HOXD9: variants seen among roughly 807,000 people sequenced by gnomAD.
HOXD9 encodes homeobox D9.
HOXD9 carries 21 observed loss-of-function variants against 24.6 expected under a neutral mutation model. The ratio of observed to expected loss-of-function variants is 0.85; its 90% CI spans 0.61 to 1.23. The LOEUF is 1.23. HOXD9 is among the 50% of genes most tolerant of loss of function. The pLI, the probability that HOXD9 is intolerant of heterozygous loss-of-function variation, is 0.00. For missense variants in HOXD9, 503 were observed against 503.6 expected (o/e 1.00, Z 0.01); for synonymous variants, 240 against 226.4 (o/e 1.06, Z -0.54).
chr2:176,124,324 A>G lies in HOXD9; in HGVS notation c.*149A>G. On this transcript the variant is annotated 3_prime_UTR_variant, in exon 2 of 2. Coordinates refer to ENST00000249499, the MANE Select transcript of HOXD9 (RefSeq NM_014213.4). ...TTTTTTTTCTTTTTAGATAGAAGTG[A>G]CTGTGTGGTTGGTCTCTGAGGTATT... 1 of 1,236,130 alleles carries G rather than the reference A, an allele frequency of 8.1e-7. No homozygotes were observed. The highest frequency in any genetic ancestry group is 1.6e-5 in the African/African-American group (1 of 64,338). 76.6% of individuals were successfully genotyped at this position (1,236,130 alleles called of 1,614,324 possible). A position where few individuals can be genotyped will look rare whatever the true frequency, so the allele number is the denominator to read the frequency against.
In HOXD9 at chr2:176,124,064, C is replaced by T. The variant is rs1390024644; in HGVS notation, c.948C>T (p.Tyr316=). Residue 316 remains tyrosine (Y), a synonymous_variant, in exon 2 of 2, where the codon TAC becomes TAT. Coordinates refer to ENST00000249499, the MANE Select transcript of HOXD9 (RefSeq NM_014213.4). ...FNMYLTRDRR[Y]EVARILNLTE... Reference sequence around the variant, plus strand: ...TGTACCTCACCCGGGACCGGCGCTACGAGGTGGCCAGGATTCTCAACCTAA... The same window carrying T: ...TGTACCTCACCCGGGACCGGCGCTATGAGGTGGCCAGGATTCTCAACCTAA... 2 of 1,614,154 alleles carry T rather than the reference C, an allele frequency of 1.2e-6. No individual in the cohort carries two copies. Among genetic ancestry groups the T allele is most frequent in the Non-Finnish European group, 1.7e-6 (2 of 1,180,026 alleles).
chr2:176,124,008 C>G lies in HOXD9; in HGVS notation c.892C>G (p.Leu298Val), dbSNP rs764023606. Reference protein sequence around the residue: ...KRCPYTKYQTLELEKEFLFNM... With the variant: ...KRCPYTKYQTVELEKEFLFNM... Reference sequence around the variant, plus strand: ...CTGTCCCTACACCAAATACCAGACGCTTGAGCTGGAGAAAGAATTCCTCTT... The same window carrying G: ...CTGTCCCTACACCAAATACCAGACGGTTGAGCTGGAGAAAGAATTCCTCTT... The change falls in exon 2 of 2, where the codon CTT becomes GTT. Residue 298 changes from leucine (L) to valine (V), a missense_variant. Coordinates refer to ENST00000249499, the MANE Select transcript of HOXD9 (RefSeq NM_014213.4). 1.9e-6 allele frequency: 3 copies of G among 1,614,162 alleles called. No homozygotes were observed. The South Asian group carries it at 3.3e-5, about 18-fold the overall frequency.
At position 176,122,936 on chromosome 2, in the gene HOXD9, G is replaced by C. The variant is rs1447248983; in HGVS notation, c.168G>C (p.Pro56=). ...QGRPAGVADG[P]AATAAEFASC... ...GGCCTGCAGGTGTGGCTGATGGCCCGGCCGCCACCGCCGCCGAGTTCGCCT... is the reference window on the plus strand; with the variant it reads ...GGCCTGCAGGTGTGGCTGATGGCCCCGCCGCCACCGCCGCCGAGTTCGCCT... Residue 56 remains proline, a synonymous_variant, in exon 1 of 2, where the codon CCG becomes CCC. Coordinates refer to ENST00000249499, the MANE Select transcript of HOXD9 (RefSeq NM_014213.4). 1 of 1,580,308 alleles carries C rather than the reference G, an allele frequency of 6.3e-7. No homozygotes were observed. Among genetic ancestry groups the C allele is most frequent in the African/African-American group, 1.4e-5 (1 of 71,876 alleles).
chr2:176,123,935 C>G lies in HOXD9; in HGVS notation c.819C>G (p.Asn273Lys), dbSNP rs759794740. ...GTCTCCAAACCTCCCTCTTTGTAGACAACCCCGCCGCGAACTGGATCCACG... is the reference window on the plus strand; with the variant it reads ...GTCTCCAAACCTCCCTCTTTGTAGAGAACCCCGCCGCGAACTGGATCCACG... The part of the protein sequence containing the change: ...SQPQQQQLDP[N>K]NPAANWIHAR... The change falls in exon 2 of 2, where the codon AAC (asparagine) becomes AAG (lysine). Residue 273 changes from asparagine (N) to lysine (K), a missense_variant and splice_region_variant. Physicochemically the swap from Asn to Lys is moderately conservative, Grantham distance 94. Coordinates refer to ENST00000249499, the MANE Select transcript of HOXD9 (RefSeq NM_014213.4). This position sits in a 1 kb window ranked among gnomAD's most constrained non-coding sequence, Gnocchi z 4.2. The G allele has an allele frequency of 1.2e-6, 2 of 1,608,614 alleles. No individual in the cohort carries two copies. The highest frequency in any genetic ancestry group is 1.7e-6 in the Non-Finnish European group (2 of 1,175,508).
chr2:176,122,891 G>A lies in HOXD9; in HGVS notation c.123G>A (p.Pro41=), dbSNP rs1574955840. 1 of 1,591,594 alleles carries A rather than the reference G, an allele frequency of 6.3e-7. No individual in the cohort carries two copies. The highest frequency in any genetic ancestry group is 8.5e-7 in the Non-Finnish European group (1 of 1,170,574). The change falls in exon 1 of 2, where the codon CCG becomes CCA. Residue 41 remains proline (P), a synonymous_variant. Coordinates refer to ENST00000249499, the MANE Select transcript of HOXD9 (RefSeq NM_014213.4). ...DEVFAARFGP[P]GPGAQGRPAG... ...TGTTCGCGGCGCGCTTCGGGCCGCC[G>A]GGGCCAGGCGCGCAGGGCCGGCCTG...
At position 176,124,415 on chromosome 2, in the gene HOXD9, T is replaced by G. The variant is rs1270517464; in HGVS notation, c.*240T>G. 5 of 406,664 alleles carry G rather than the reference T, an allele frequency of 1.2e-5. No homozygotes were observed. In the Admixed American group the frequency reaches 2.1e-4, roughly 17 times the overall value. The allele number at this position is 406,664 out of a possible 1,614,324, so 25.2% of individuals were successfully genotyped here. ...CAAGTGGCTTTGGGGTTTCGCCCTATCCCACTCCCTCTCTTTCCTGCTCCA... is the reference window on the plus strand; with the variant it reads ...CAAGTGGCTTTGGGGTTTCGCCCTAGCCCACTCCCTCTCTTTCCTGCTCCA... On this transcript the variant is annotated 3_prime_UTR_variant, in exon 2 of 2. Transcript: ENST00000249499.
chr2:176,122,963 G>C lies in HOXD9; in HGVS notation c.195G>C (p.Ser65=), dbSNP rs1689902088. Residue 65 remains serine, a synonymous_variant, in exon 1 of 2, where the codon TCG becomes TCC. Coordinates refer to ENST00000249499, the MANE Select transcript of HOXD9 (RefSeq NM_014213.4). ...GPAATAAEFA[S]CSFAPRSAVF... is the part of the protein sequence containing the mutation. ...CCGCCACCGCCGCCGAGTTCGCCTC[G>C]TGTAGTTTTGCCCCCAGATCGGCCG... The C allele has an allele frequency of 1.3e-6, 2 of 1,592,760 alleles. No individual in the cohort carries two copies. The highest frequency in any genetic ancestry group is 1.4e-5 in the African/African-American group (1 of 72,158).
rs1203723797 is a variant in HOXD9 at position 176,122,782 on chromosome 2, G to T, written c.14G>T (p.Ser5Ile). Residue 5 changes from serine to isoleucine, a missense_variant, in exon 1 of 2, where the codon AGT (serine) becomes ATT (isoleucine). Ser to Ile is a moderately radical substitution (Grantham distance 142, BLOSUM62 -2). Coordinates refer to ENST00000249499, the MANE Select transcript of HOXD9 (RefSeq NM_014213.4). ...GCGGACAGTGTAATGTTGGGTGGGA[G>T]TGCGGGACGCCTCAAAATGTCTTCC... MLGG[S>I]AGRLKMSSSG... is the part of the protein sequence containing the mutation. 6 of 1,522,654 alleles carry T rather than the reference G, an allele frequency of 3.9e-6. No individual in the cohort carries two copies. In the Admixed American group the frequency reaches 1.3e-4, roughly 33 times the overall value. 94.3% of individuals were successfully genotyped at this position (1,522,654 alleles called of 1,614,324 possible).
Position 176,123,492 on chromosome 2 carries a change from C to A in HOXD9, c.724C>A (p.Pro242Thr). Residue 242 changes from proline to threonine, a missense_variant, in exon 1 of 2, where the codon CCC becomes ACC. Physicochemically the swap from Pro to Thr is conservative, Grantham distance 38. Transcript: ENST00000249499. The surrounding 1 kb of genome is among the most constrained non-coding windows in gnomAD (Gnocchi z 4.2). ...AATGTGGSSEPSACSDHPIPG... is the reference protein window; with the variant it reads ...AATGTGGSSETSACSDHPIPG... ...GACTGGGACGGGCGGCTCGTCGGAG[C>A]CCTCAGCTTGCAGCGACCACCCGAT... 1 of 1,534,034 alleles carries A rather than the reference C, an allele frequency of 6.5e-7. No homozygotes were observed. The highest frequency in any genetic ancestry group is 1.4e-5 in the African/African-American group (1 of 71,816).
chr2:176,123,825 C>A lies in HOXD9; in HGVS notation c.818-109C>A. 2 of 1,102,312 alleles carry A rather than the reference C, an allele frequency of 1.8e-6. No homozygotes were observed. Among genetic ancestry groups the A allele is most frequent in the Non-Finnish European group, 2.6e-6 (2 of 770,686 alleles). The allele number at this position is 1,102,312 out of a possible 1,614,324, so 68.3% of individuals were successfully genotyped here. A position where few individuals can be genotyped will look rare whatever the true frequency, so the allele number is the denominator to read the frequency against. On this transcript the variant is annotated intron_variant, in intron 1 of 1. Transcript: ENST00000249499. The surrounding 1 kb of genome is among the most constrained non-coding windows in gnomAD (Gnocchi z 4.2). ...ATAATTCCCCACAAGTTGTGAAAAG[C>A]GACCATCCTTGGTGAAATTAATTTA... is the stretch of plus-strand genomic sequence containing the variant.
chr2:176,124,390 C>CT lies in HOXD9; in HGVS notation c.*215_*216insT, dbSNP rs1257532908. ...TTGCTCGTTTACGTGTTGGAAAAAC[C>CT]AAGTGGCTTTGGGGTTTCGCCCTAT... is the stretch of plus-strand genomic sequence containing the variant. On this transcript the variant is annotated 3_prime_UTR_variant, in exon 2 of 2. Transcript: ENST00000249499. 9.9e-5 allele frequency: 56 copies of CT among 568,108 alleles called. No individual in the cohort carries two copies. Among genetic ancestry groups the CT allele is most frequent in the Admixed American group, 1.9e-4 (5 of 25,982 alleles). 35.2% of individuals were successfully genotyped at this position (568,108 alleles called of 1,614,324 possible).
Position 176,123,456 on chromosome 2 carries a change from A to G in HOXD9, c.688A>G (p.Ile230Val). Residue 230 changes from isoleucine (I) to valine (V), a missense_variant, in exon 1 of 2, where the codon ATC becomes GTC. Coordinates refer to ENST00000249499, the MANE Select transcript of HOXD9 (RefSeq NM_014213.4). This position sits in a 1 kb window ranked among gnomAD's most constrained non-coding sequence, Gnocchi z 4.2. ...ATGGTGPGAG[I>V]GAATGTGGSS... The stretch of plus-strand genomic sequence containing the variant: ...GGGGGGAACCGGGCCTGGGGCAGGG[A>G]TCGGGGCCGCGACTGGGACGGGCGG... The G allele has an allele frequency of 3.8e-6, 6 of 1,560,404 alleles. No individual in the cohort carries two copies. Among genetic ancestry groups the G allele is most frequent in the Non-Finnish European group, 5.2e-6 (6 of 1,150,172 alleles).
At position 176,123,674 on chromosome 2, in the gene HOXD9, A is replaced by G; in HGVS notation, c.817+89A>G. 7.0e-7 allele frequency: 1 copy of G among 1,433,002 alleles called. No homozygotes were observed. The highest frequency in any genetic ancestry group is 9.2e-7 in the Non-Finnish European group (1 of 1,086,928). The allele number at this position is 1,433,002 out of a possible 1,614,324, so 88.8% of individuals were successfully genotyped here. A position where few individuals can be genotyped will look rare whatever the true frequency, so the allele number is the denominator to read the frequency against. ...ACTGATAGTTTTACTAACCTATAAA[A>G]ACGTCTAGACGCCTACCCAAGCCTA... is the stretch of plus-strand genomic sequence containing the variant. On this transcript the variant is annotated intron_variant, in intron 1 of 1. Transcript: ENST00000249499. This position sits in a 1 kb window ranked among gnomAD's most constrained non-coding sequence, Gnocchi z 4.2.
At position 176,123,249 on chromosome 2, in the gene HOXD9, A is replaced by G; in HGVS notation, c.481A>G (p.Lys161Glu). Residue 161 changes from lysine (K) to glutamate (E), a missense_variant, in exon 1 of 2, where the codon AAG (lysine) becomes GAG (glutamate). Transcript: ENST00000249499. This position sits in a 1 kb window ranked among gnomAD's most constrained non-coding sequence, Gnocchi z 4.2. The part of the protein sequence containing the change: ...GPANGRHYGI[K>E]PETRAAPAPA... ...AGCCAACGGGCGCCACTACGGGATT[A>G]AGCCTGAAACCCGAGCGGCCCCGGC... 1 of 1,510,284 alleles carries G rather than the reference A, an allele frequency of 6.6e-7. No homozygotes were observed. Among genetic ancestry groups the G allele is most frequent in the South Asian group, 1.2e-5 (1 of 80,082 alleles). 93.6% of individuals were successfully genotyped at this position (1,510,284 alleles called of 1,614,324 possible).
At position 176,123,991 on chromosome 2, in the gene HOXD9, A is replaced by G. The variant is rs775503474; in HGVS notation, c.875A>G (p.Tyr292Cys). ...TCCACCCGGAAAAAGCGCTGTCCCT[A>G]CACCAAATACCAGACGCTTGAGCTG... ...ARSTRKKRCP[Y>C]TKYQTLELEK... The change falls in exon 2 of 2, where the codon TAC becomes TGC. Residue 292 changes from tyrosine to cysteine, a missense_variant. By Grantham distance (194) the Tyr-to-Cys change is radical. Transcript: ENST00000249499. The surrounding 1 kb of genome is among the most constrained non-coding windows in gnomAD (Gnocchi z 4.2). The G allele has an allele frequency of 6.2e-7, 1 of 1,614,066 alleles. No homozygotes were observed. Among genetic ancestry groups the G allele is most frequent in the South Asian group, 1.1e-5 (1 of 91,076 alleles).
Position 176,123,003 on chromosome 2 carries a change from T to A in HOXD9, c.235T>A (p.Trp79Arg). 1 of 1,593,898 alleles carries A rather than the reference T, an allele frequency of 6.3e-7. No homozygotes were observed. ...APRSAVFSASWSAVPSQPPAA... is the reference protein window; with the variant it reads ...APRSAVFSASRSAVPSQPPAA... Reference sequence around the variant, plus strand: ...CAGATCGGCCGTGTTCTCTGCCTCGTGGTCCGCGGTGCCCTCCCAGCCCCC... The same window carrying A: ...CAGATCGGCCGTGTTCTCTGCCTCGAGGTCCGCGGTGCCCTCCCAGCCCCC... Residue 79 changes from tryptophan (W) to arginine (R), a missense_variant, in exon 1 of 2, where the codon TGG (tryptophan) becomes AGG (arginine). Transcript: ENST00000249499. The surrounding 1 kb of genome is among the most constrained non-coding windows in gnomAD (Gnocchi z 4.2).
chr2:176,123,944 C>T lies in HOXD9; in HGVS notation c.828C>T (p.Ala276=), dbSNP rs764657611. ...QQQQLDPNNP[A]ANWIHARSTR... ...CCTCCCTCTTTGTAGACAACCCCGC[C>T]GCGAACTGGATCCACGCTCGCTCCA... The change falls in exon 2 of 2, where the codon GCC becomes GCT. Residue 276 remains alanine (A), a synonymous_variant. Transcript: ENST00000249499. This position sits in a 1 kb window ranked among gnomAD's most constrained non-coding sequence, Gnocchi z 4.2. 6.2e-7 allele frequency: 1 copy of T among 1,611,122 alleles called. No individual in the cohort carries two copies. Among genetic ancestry groups the T allele is most frequent in the Non-Finnish European group, 8.5e-7 (1 of 1,177,548 alleles).
In HOXD9 at chr2:176,123,244, G is replaced by A. The variant is rs1262799453; in HGVS notation, c.476G>A (p.Gly159Glu). Reference sequence around the variant, plus strand: ...GGCCCAGCCAACGGGCGCCACTACGGGATTAAGCCTGAAACCCGAGCGGCC... The same window carrying A: ...GGCCCAGCCAACGGGCGCCACTACGAGATTAAGCCTGAAACCCGAGCGGCC... ...PSGPANGRHYGIKPETRAAPA... is the reference protein window; with the variant it reads ...PSGPANGRHYEIKPETRAAPA... The change falls in exon 1 of 2, where the codon GGG becomes GAG. Residue 159 changes from glycine (G) to glutamate (E), a missense_variant. By Grantham distance (98) the Gly-to-Glu change is moderately conservative (BLOSUM62 -2). Coordinates refer to ENST00000249499, the MANE Select transcript of HOXD9 (RefSeq NM_014213.4). The surrounding 1 kb of genome is among the most constrained non-coding windows in gnomAD (Gnocchi z 4.2). 6.6e-7 allele frequency: 1 copy of A among 1,508,474 alleles called. No homozygotes were observed. Among genetic ancestry groups the A allele is most frequent in the South Asian group, 1.3e-5 (1 of 79,712 alleles). The allele number at this position is 1,508,474 out of a possible 1,614,324, so 93.4% of individuals were successfully genotyped here. A position where few individuals can be genotyped will look rare whatever the true frequency, so the allele number is the denominator to read the frequency against.
Position 176,124,336 on chromosome 2 carries a change from G to A in HOXD9, c.*161G>A, listed in dbSNP as rs1233133857. The stretch of plus-strand genomic sequence containing the variant: ...TTAGATAGAAGTGACTGTGTGGTTG[G>A]TCTCTGAGGTATTTGGGGGACTCTG... On this transcript the variant is annotated 3_prime_UTR_variant, in exon 2 of 2. Transcript: ENST00000249499. 1 of 1,135,188 alleles carries A rather than the reference G, an allele frequency of 8.8e-7. No homozygotes were observed. Among genetic ancestry groups the A allele is most frequent in the Non-Finnish European group, 1.2e-6 (1 of 841,514 alleles). 70.3% of individuals were successfully genotyped at this position (1,135,188 alleles called of 1,614,324 possible).
Sources: gnomAD v4.1 joint callset for allele counts on GRCh38, gnomAD v4.1.1 for gene constraint, Gnocchi (gnomAD v3.1) non-coding constraint, MANE v1.5 for transcripts, NCBI Gene and HGNC (gene_info 2026-07-23, HGNC 2026-07-21) for gene names.